Variants in RGPD8 observed in about 807,000 individuals in gnomAD.
The protein encoded by RGPD8 is RANBP2 like and GRIP domain containing 8.
RGPD8 carries 15 observed loss-of-function variants against 89.1 expected under a neutral mutation model. The observed-to-expected ratio is 0.17, with a 90% CI of 0.11 to 0.26. The LOEUF is 0.26. Ranked by LOEUF, RGPD8 falls within the 10% of genes least tolerant of loss-of-function variation. RGPD8 has a pLI of 1.00. For synonymous variants in RGPD8, 62 were observed against 420.9 expected (o/e 0.15, Z 10.44); for missense variants, 178 against 1,179.6 (o/e 0.15, Z 12.44).
At chr2:112,410,828 G>A (rs1189055972) in intron 7 of RGPD8, among the ~76,000 whole-genome samples, 1 of 152,370 alleles carries the variant, frequency 6.6e-6, no homozygotes, top group African/African-American at 2.4e-5. Context: ...CTCACTGCCT[G>A]TAATCCCAGC....
intron 1 of RGPD8, among the ~76,000 whole-genome samples, chr2:112,426,352 G>A (rs1444145259): frequency 1.3e-5 from 2 of 151,598 alleles, no homozygotes; most frequent in East Asian, 3.9e-4. Context: ...GTTGGACAAA[G>A]GGATGATTCG....
At chr2:112,415,496 A>C (rs951898431) in intron 6 of RGPD8, among the ~76,000 whole-genome samples, 7 of 151,038 alleles carry the variant, frequency 4.6e-5, no homozygotes, top group Non-Finnish European at 1.0e-4. Flanking sequence ...TTCTCCCCTG[A>C]GTGACTCCAT....
At chr2:112,428,812 C>T (rs1226184555) in intron 1 of RGPD8, among the ~76,000 whole-genome samples, 1 of 152,026 alleles carries the variant, frequency 6.6e-6, no homozygotes, top group Non-Finnish European at 1.5e-5. Context: ...AGTAACACAA[C>T]ATACAAGCAA....
In RGPD8 at chr2:112,417,448, CATTG is replaced by C. The variant is rs1679464821; in HGVS notation, c.637-114_637-111del. ...CACTCCAACCACATTTGTGAAACTA[CATTG>C]ATTTTTACATCAACCTTATAAATGA... On this transcript the variant is annotated intron_variant, in intron 5 of 22. Coordinates refer to ENST00000302558, the MANE Select transcript of RGPD8 (RefSeq NM_001164463.1). 3 of 1,478,864 alleles carry C rather than the reference CATTG, an allele frequency of 2.0e-6. No homozygotes were observed. In the South Asian group the frequency reaches 3.7e-5, roughly 18 times the overall value. 91.6% of individuals were successfully genotyped at this position (1,478,864 alleles called of 1,614,324 possible).
intron 3 of RGPD8, among the ~76,000 whole-genome samples, 189 bp downstream of exon 3, chr2:112,422,359 C>T (rs1679591498): frequency 1.3e-5 from 2 of 150,538 alleles, no homozygotes; most frequent in South Asian, 2.1e-4. Context: ...CATTTCTGAC[C>T]GTGTTAGACT....
At chr2:112,380,101 TG>T (rs1678234482) in intron 21 of RGPD8, among the ~76,000 whole-genome samples, 1 of 137,878 alleles carries the variant, frequency 7.3e-6, no homozygotes, top group Non-Finnish European at 1.6e-5. Context: ...TAGATGTTTC[TG>T]GTGTCTACTT....
At chr2:112,429,737 T>G (rs1181645157) in intron 1 of RGPD8, among the ~76,000 whole-genome samples, 1 of 152,122 alleles carries the variant, frequency 6.6e-6, no homozygotes, top group African/African-American at 2.4e-5. Context: ...AGAAATCGAC[T>G]TGACAGAACA....
chr2:112,409,817 T>C (rs1403093459), intron 7 of RGPD8, among the ~76,000 whole-genome samples: 7 of 143,950 alleles, frequency 4.9e-5, no homozygotes, highest in Admixed American at 1.4e-4. Context: ...AAACTACATA[T>C]CAAAAAATTT....
At chr2:112,411,333 C>T (rs1679189756) in intron 7 of RGPD8, among the ~76,000 whole-genome samples, 1 of 145,690 alleles carries the variant, frequency 6.9e-6, no homozygotes, top group Admixed American at 6.7e-5. Context: ...CTTTGGGAGG[C>T]CGAGGCAGGT....
intron 7 of RGPD8, among the ~76,000 whole-genome samples, chr2:112,411,518 C>T (rs1158093273): frequency 3.4e-5 from 1 of 29,764 alleles, no homozygotes; most frequent in Non-Finnish European, 5.7e-5. Flanking sequence ...TTGCAGTGAG[C>T]CGAGATCATG....
chr2:112,390,187 C>T lies in RGPD8; in HGVS notation c.2758G>A (p.Asp920Asn), dbSNP rs778910571. 1 of 1,572,122 alleles carries T rather than the reference C, an allele frequency of 6.4e-7. No homozygotes were observed. The highest frequency in any genetic ancestry group is 1.1e-5 in the South Asian group (1 of 89,492). ...KEGFSIPVSA[D>N]GFKFGISEPG... is the part of the protein sequence containing the mutation. ...TCCGAAATGCCAAATTTAAATCCAT[C>T]AGCAGACACAGGGATGGAAAATCCT... is the stretch of plus-strand genomic sequence containing the variant. Residue 920 changes from aspartate to asparagine, a missense_variant, in exon 20 of 23, where the codon GAT becomes AAT. Coordinates refer to ENST00000302558, the MANE Select transcript of RGPD8 (RefSeq NM_001164463.1).
At chr2:112,424,152 A>C in intron 2 of RGPD8, 88 bp downstream of exon 2, 1 of 1,448,794 alleles carries the variant, frequency 6.9e-7, no homozygotes, top group Non-Finnish European at 9.3e-7. Flanking sequence ...AAGAACTACT[A>C]AGAACATATT....
chr2:112,373,359 G>A (rs1271435920), intron 22 of RGPD8, among the ~76,000 whole-genome samples: 9 of 152,292 alleles, frequency 5.9e-5, no homozygotes, highest in Non-Finnish European at 1.2e-4. Flanking sequence ...ACATCTGCTT[G>A]AAATTTAAGT....
intron 1 of RGPD8, among the ~76,000 whole-genome samples, chr2:112,425,711 A>G (rs1159359923): frequency 1.3e-5 from 2 of 150,714 alleles, no homozygotes; most frequent in African/African-American, 4.9e-5. Flanking sequence ...GTGGGCCAAG[A>G]TCGCACCACT....
chr2:112,432,771 A>G (rs1190978678), intron 1 of RGPD8, among the ~76,000 whole-genome samples: 2 of 151,854 alleles, frequency 1.3e-5, no homozygotes, highest in Admixed American at 1.3e-4. Context: ...TCGGGAACAA[A>G]CCGGGAGAAA....
rs942876079 is a variant in RGPD8 at position 112,430,913 on chromosome 2, C to T, written c.72+2469G>A. 2.2e-4 allele frequency among the ~76,000 whole-genome samples: 33 copies of T among 152,210 alleles called. 2 individuals carry two copies. The highest frequency in any genetic ancestry group is 7.7e-4 in the African/African-American group (32 of 41,530). ...TCAACGCTGCAGTGAGCCACGATCC[C>T]GCCACAGCACTCCAGCCTGGGAGAC... On this transcript the variant is annotated intron_variant, in intron 1 of 22. Transcript: ENST00000302558.
chr2:112,431,693 G>T (rs1196628659), intron 1 of RGPD8, among the ~76,000 whole-genome samples: 1 of 150,562 alleles, frequency 6.6e-6, no homozygotes, highest in Non-Finnish European at 1.5e-5. Context: ...CTGGAGTGCA[G>T]TAGCGCGATC....
In RGPD8 at chr2:112,382,049, C is replaced by T. The variant is rs1298451345; in HGVS notation, c.4922-1086G>A. Among the ~76,000 whole-genome samples the T allele has an allele frequency of 4.6e-5, 7 of 151,680 alleles. No individual in the cohort carries two copies. In the South Asian group the frequency reaches 6.2e-4, roughly 13 times the overall value. On this transcript the variant is annotated intron_variant, in intron 20 of 22. Coordinates refer to ENST00000302558, the MANE Select transcript of RGPD8 (RefSeq NM_001164463.1). The stretch of plus-strand genomic sequence containing the variant: ...TAGGTGCCATCTAATCAGCTGCCAG[C>T]GAATATAAAGCAGGCAGAAAAACCT...
At chr2:112,374,905 T>C (rs1468421106) in intron 22 of RGPD8, among the ~76,000 whole-genome samples, 5 of 143,316 alleles carry the variant, frequency 3.5e-5, no homozygotes, top group Admixed American at 6.9e-5. Context: ...TCTTGTTGCT[T>C]GGGCTGGAGT....
Sources: gnomAD v4.1 joint callset for allele counts (sites outside exome capture counted in the v4.1 genomes callset) on GRCh38, gnomAD v4.1.1 for gene constraint, MANE v1.5 for transcripts, NCBI Gene and HGNC (gene_info 2026-07-23, HGNC 2026-07-21) for gene names.